TCF12: variants seen among roughly 807,000 people sequenced by gnomAD.
TCF12 encodes the protein transcription factor 12, also known as DNA-binding protein HTF4.
A neutral mutation model predicts 86.0 loss-of-function variants in TCF12; 45 were observed. That is an observed-to-expected ratio of 0.52 (90% CI 0.41 to 0.67). TCF12 has a LOEUF of 0.67. Ranked by LOEUF, TCF12 falls within the 30% of genes least tolerant of loss-of-function variation. The pLI is 0.00. For synonymous variants in TCF12, 330 were observed against 299.6 expected (o/e 1.10, Z -1.05); for missense variants, 881 against 859.9 (o/e 1.02, Z -0.31).
At chr15:57,068,188 T>C (rs2069067817) in intron 4 of TCF12, among the ~76,000 whole-genome samples, 1 of 152,202 alleles carries the variant, frequency 6.6e-6, no homozygotes, top group South Asian at 2.1e-4. Context: ...TAGTCATCTG[T>C]GAAATGGGGA....
intron 3 of TCF12, among the ~76,000 whole-genome samples, chr15:57,036,583 A>G (rs1351315517): frequency 1.3e-5 from 2 of 151,956 alleles, no homozygotes; most frequent in Non-Finnish European, 2.9e-5. Flanking sequence ...TTTGATTTGC[A>G]TTTCCTTAGT....
At chr15:56,973,833 T>A (rs2062461915) in intron 3 of TCF12, among the ~76,000 whole-genome samples, 1 of 152,148 alleles carries the variant, frequency 6.6e-6, no homozygotes, top group African/African-American at 2.4e-5. Flanking sequence ...AGTTGACAAG[T>A]GTCTCCTGAT....
At chr15:57,106,892 C>T (rs142477673) in intron 5 of TCF12, among the ~76,000 whole-genome samples, 2 of 152,130 alleles carry the variant, frequency 1.3e-5, no homozygotes, top group African/African-American at 4.8e-5. Flanking sequence ...ATTAAAACAA[C>T]CAAAATCCAA....
intron 5 of TCF12, among the ~76,000 whole-genome samples, chr15:57,151,141 A>AT (rs756072811): frequency 0.054 from 6,957 of 128,126 alleles, 343 homozygotes; most frequent in Admixed American, 0.14. Context: ...TGCCTGGCCA[A>AT]TTTTTTTTTT....
intron 18 of TCF12, among the ~76,000 whole-genome samples, chr15:57,269,635 A>C (rs1290329610): frequency 6.6e-6 from 1 of 151,948 alleles, no homozygotes; most frequent in Non-Finnish European, 1.5e-5. Flanking sequence ...TAATTGATGC[A>C]GTTTCTTCAT....
At chr15:57,270,347 A>G (rs938505324) in intron 18 of TCF12, among the ~76,000 whole-genome samples, 3 of 152,132 alleles carry the variant, frequency 2.0e-5, no homozygotes, top group African/African-American at 7.2e-5. Flanking sequence ...GCTTGATCGC[A>G]TCAGCTATTG....
intron 12 of TCF12, among the ~76,000 whole-genome samples, chr15:57,240,345 A>T (rs1597552036): frequency 6.6e-6 from 1 of 152,210 alleles, no homozygotes; most frequent in African/African-American, 2.4e-5. Flanking sequence ...TGTAAGCACT[A>T]TGAAGAATAC....
chr15:57,274,323 C>T (rs1175781309), intron 19 of TCF12, among the ~76,000 whole-genome samples: 3 of 152,162 alleles, frequency 2.0e-5, no homozygotes, highest in Admixed American at 2.0e-4. Context: ...TTAATTCATC[C>T]ACTTCCCTCC....
chr15:57,028,443 G>T (rs571489405), intron 3 of TCF12, among the ~76,000 whole-genome samples: 2 of 152,218 alleles, frequency 1.3e-5, no homozygotes, highest in East Asian at 3.9e-4. Flanking sequence ...TATGGTTTTA[G>T]TTTGCATTTC....
intron 5 of TCF12, among the ~76,000 whole-genome samples, chr15:57,151,863 G>T (rs1460919939): frequency 6.6e-6 from 1 of 152,088 alleles, no homozygotes; most frequent in Non-Finnish European, 1.5e-5. Context: ...TACTGAGGCT[G>T]AACTAAAACA....
At chr15:57,137,426 T>C (rs2052632833) in intron 5 of TCF12, among the ~76,000 whole-genome samples, 1 of 152,242 alleles carries the variant, frequency 6.6e-6, no homozygotes, top group African/African-American at 2.4e-5. Context: ...TTGACACAGG[T>C]ATAAAGGGCT....
chr15:57,118,972 G>A (rs1478016570), intron 5 of TCF12, among the ~76,000 whole-genome samples: 1 of 152,050 alleles, frequency 6.6e-6, no homozygotes, highest in Non-Finnish European at 1.5e-5. Flanking sequence ...AGGATATAAT[G>A]TATTATCTAT....
chr15:57,109,965 G>C (rs1262543063), intron 5 of TCF12, among the ~76,000 whole-genome samples: 1 of 152,134 alleles, frequency 6.6e-6, no homozygotes, highest in Non-Finnish European at 1.5e-5. Flanking sequence ...TATTTTAATT[G>C]AAGACACAAA....
intron 4 of TCF12, among the ~76,000 whole-genome samples, chr15:57,089,284 A>G (rs1165813802): frequency 1.3e-5 from 2 of 152,226 alleles, no homozygotes. Context: ...ATTGTGCCTT[A>G]CTGATACTTG....
chr15:56,956,851 A>T (rs2061522895), intron 3 of TCF12, among the ~76,000 whole-genome samples: 1 of 151,874 alleles, frequency 6.6e-6, no homozygotes, highest in Non-Finnish European at 1.5e-5. Context: ...GACTTGTTAC[A>T]ATGTTTTCAT....
chr15:57,051,524 A>G (rs918458888), intron 3 of TCF12, among the ~76,000 whole-genome samples: 7 of 151,110 alleles, frequency 4.6e-5, no homozygotes, highest in South Asian at 2.1e-4. Flanking sequence ...AGTTCTTGCT[A>G]TGTTGCCCAG....
chr15:57,219,724 T>A, intron 8 of TCF12: 1 of 602,088 alleles, frequency 1.7e-6, no homozygotes, highest in Non-Finnish European at 2.4e-6. Flanking sequence ...AGATTTCTTT[T>A]TTTTTTTTTT....
intron 3 of TCF12, among the ~76,000 whole-genome samples, chr15:57,031,913 C>A (rs968854647): frequency 6.6e-6 from 1 of 152,136 alleles, no homozygotes; most frequent in African/African-American, 2.4e-5. Flanking sequence ...ATGCAGGAAC[C>A]AAAACTCTGA....
chr15:57,244,743 CGT>C (rs1371315024), intron 13 of TCF12, among the ~76,000 whole-genome samples: 1 of 151,868 alleles, frequency 6.6e-6, no homozygotes, highest in East Asian at 1.9e-4. Flanking sequence ...GGATTACAGG[CGT>C]GACCCACTGC....
Sources: gnomAD v4.1 joint callset for allele counts (sites outside exome capture counted in the v4.1 genomes callset) on GRCh38, gnomAD v4.1.1 for gene constraint, MANE v1.5 for transcripts, NCBI Gene and HGNC (gene_info 2026-07-23, HGNC 2026-07-21) for gene names.